The following FGF10 variants were observed in gnomAD, a reference collection of about 807,000 sequenced individuals.
FGF10 encodes the protein fibroblast growth factor 10, also known as FGF-10.
A neutral mutation model predicts 19.8 loss-of-function variants in FGF10; 2 were observed. The observed-to-expected ratio is 0.10, with a 90% CI of 0.04 to 0.32. FGF10 has a LOEUF of 0.32. FGF10 is among the 10% of genes least tolerant of loss of function. FGF10 has a pLI of 1.00. For missense variants in FGF10, 191 were observed against 246.3 expected (o/e 0.78, Z 1.50); for synonymous variants, 112 against 94.0 (o/e 1.19, Z -1.10).
At chr5:44,347,524 C>T (rs1741115850) in intron 1 of FGF10, among the ~76,000 whole-genome samples, 1 of 151,702 alleles carries the variant, frequency 6.6e-6, no homozygotes, top group Non-Finnish European at 1.5e-5. Flanking sequence ...CTATATCCAT[C>T]CTTCAAAAAC....
rs532542078 is a variant in FGF10, at chr5:44,337,589, G to A, written c.326-27059C>T. 8.1e-4 allele frequency among the ~76,000 whole-genome samples: 123 copies of A among 152,214 alleles called. 2 individuals carry two copies. The highest frequency in any genetic ancestry group is 2.7e-3 in the African/African-American group (113 of 41,532). ...ACTTTAAATCAACATTTTTCTATGC[G>A]TGAAGCACTATTAGAAAATAAAATG... On this transcript the variant is annotated intron_variant, in intron 1 of 2. Transcript: ENST00000264664.
intron 1 of FGF10, among the ~76,000 whole-genome samples, chr5:44,317,271 G>C (rs1365905986): frequency 6.6e-6 from 1 of 152,144 alleles, no homozygotes; most frequent in Non-Finnish European, 1.5e-5. Context: ...AATGAGATCT[G>C]AATTTGCAGA....
chr5:44,379,526 C>A (rs534110844), intron 1 of FGF10, among the ~76,000 whole-genome samples: 1 of 152,302 alleles, frequency 6.6e-6, no homozygotes, highest in East Asian at 1.9e-4. Flanking sequence ...CGGGACTATA[C>A]TTTTTATCCC....
At chr5:44,358,115 G>T (rs1741391482) in intron 1 of FGF10, among the ~76,000 whole-genome samples, 1 of 151,416 alleles carries the variant, frequency 6.6e-6, no homozygotes, top group South Asian at 2.1e-4. Flanking sequence ...TTATACATAA[G>T]AACATTATGG....
In FGF10 at chr5:44,321,281, A is replaced by G. The variant is rs1178567952; in HGVS notation, c.326-10751T>C. On this transcript the variant is annotated intron_variant, in intron 1 of 2. Coordinates refer to ENST00000264664, the MANE Select transcript of FGF10 (RefSeq NM_004465.2). ...AAATAGCAGGGGATATCAGGGCACA[A>G]TTGTTAGAGAGGACTAATGAGTCAC... 4.6e-5 allele frequency among the ~76,000 whole-genome samples: 7 copies of G among 152,292 alleles called. No homozygotes were observed. The East Asian group carries it at 1.4e-3, about 29-fold the overall frequency.
chr5:44,349,465 T>TCAGA (rs1741183548), intron 1 of FGF10, among the ~76,000 whole-genome samples: 1 of 29,904 alleles, frequency 3.3e-5, no homozygotes, highest in African/African-American at 1.2e-4. Context: ...TATATATATA[T>TCAGA]ATATCAGAAT....
chr5:44,308,465 A>G (rs1169363558), intron 2 of FGF10, among the ~76,000 whole-genome samples: 9 of 152,110 alleles, frequency 5.9e-5, no homozygotes, highest in African/African-American at 1.9e-4. Context: ...GTGTGTTGTT[A>G]TCTCTTCAAA....
chr5:44,312,873 A>G (rs1740245444), intron 1 of FGF10, among the ~76,000 whole-genome samples: 1 of 152,082 alleles, frequency 6.6e-6, no homozygotes, highest in South Asian at 2.1e-4. Flanking sequence ...AACTATACTA[A>G]CAGACTGAGC....
Position 44,389,113 on chromosome 5 carries a change from AG to A in FGF10, c.-432del, listed in dbSNP as rs950975659. ...ACCCAAGGGAGGTGGGGTGGGGAAT[AG>A]GGGGAGATATCTGCACCCCTCTGCG... On this transcript the variant is annotated 5_prime_UTR_variant, in exon 1 of 3. Coordinates refer to ENST00000264664, the MANE Select transcript of FGF10 (RefSeq NM_004465.2). The A allele has an allele frequency of 2.7e-4, 82 of 299,386 alleles. No homozygotes were observed. The highest frequency in any genetic ancestry group is 2.4e-3 in the Middle Eastern group (2 of 848). 18.5% of individuals were successfully genotyped at this position (299,386 alleles called of 1,614,324 possible).
At chr5:44,372,498 C>T (rs1741763512) in intron 1 of FGF10, among the ~76,000 whole-genome samples, 2 of 152,122 alleles carry the variant, frequency 1.3e-5, no homozygotes, top group African/African-American at 2.4e-5. Flanking sequence ...CCAGGGATTA[C>T]AGCCTGATAT....
At chr5:44,348,707 A>C (rs1741145774) in intron 1 of FGF10, among the ~76,000 whole-genome samples, 1 of 151,592 alleles carries the variant, frequency 6.6e-6, no homozygotes, top group Non-Finnish European at 1.5e-5. Context: ...TATTACATGC[A>C]ATATTTTGGA....
At chr5:44,315,752 A>G (rs1396112316) in intron 1 of FGF10, among the ~76,000 whole-genome samples, 1 of 152,102 alleles carries the variant, frequency 6.6e-6, no homozygotes, top group Non-Finnish European at 1.5e-5. Context: ...TCAGTGTCCT[A>G]AGTTCATCTA....
chr5:44,387,945 T>C (rs1331762365), intron 1 of FGF10, among the ~76,000 whole-genome samples: 1 of 151,960 alleles, frequency 6.6e-6, no homozygotes, highest in Non-Finnish European at 1.5e-5. Context: ...CTTAACAAGA[T>C]TGCCAGGGAA....
Position 44,376,512 on chromosome 5 carries a change from AAAAAAC to A in FGF10, c.325+11840_325+11845del, listed in dbSNP as rs1406092657. ...TGCCAAAAAAAAAAAAAAAAAAAAA[AAAAAAC>A]AAAAAACCCACAACTAGAGCAAGAA... On this transcript the variant is annotated intron_variant, in intron 1 of 2. Transcript: ENST00000264664. Among the ~76,000 whole-genome samples the A allele has an allele frequency of 9.7e-4, 136 of 139,642 alleles. 7 individuals carry two copies. The highest frequency in any genetic ancestry group is 3.2e-3 in the African/African-American group (115 of 35,528). The allele number at this position is 139,642 out of a possible 152,430, so 91.6% of individuals were successfully genotyped here.
intron 1 of FGF10, among the ~76,000 whole-genome samples, chr5:44,380,292 A>G (rs1741956231): frequency 6.6e-6 from 1 of 152,208 alleles, no homozygotes; most frequent in African/African-American, 2.4e-5. Flanking sequence ...TTATTATTAA[A>G]ACATAAATTT....
chr5:44,341,056 G>C (rs186362815), intron 1 of FGF10, among the ~76,000 whole-genome samples: 2 of 151,772 alleles, frequency 1.3e-5, no homozygotes, highest in East Asian at 3.9e-4. Context: ...GTCTTCCTTT[G>C]TTCTTATTTT....
At position 44,304,431 on chromosome 5, in the gene FGF10, T is replaced by C. The variant is rs1056553736; in HGVS notation, c.*564A>G. 2.6e-5 allele frequency: 4 copies of C among 156,244 alleles called. No homozygotes were observed. Among genetic ancestry groups the C allele is most frequent in the Admixed American group, 6.2e-5 (1 of 16,166 alleles). 9.7% of individuals were successfully genotyped at this position (156,244 alleles called of 1,614,324 possible). A position where few individuals can be genotyped will look rare whatever the true frequency, so the allele number is the denominator to read the frequency against. ...AAGCATACCATACTATTTGTATTGTTAGAACAGTTTCACACTAACATGTTT... is the reference window on the plus strand; with the variant it reads ...AAGCATACCATACTATTTGTATTGTCAGAACAGTTTCACACTAACATGTTT... On this transcript the variant is annotated 3_prime_UTR_variant, in exon 3 of 3. Coordinates refer to ENST00000264664, the MANE Select transcript of FGF10 (RefSeq NM_004465.2).
intron 1 of FGF10, among the ~76,000 whole-genome samples, chr5:44,361,878 GTC>G (rs1477212451): frequency 6.6e-6 from 1 of 151,454 alleles, no homozygotes; most frequent in Non-Finnish European, 1.5e-5. Flanking sequence ...TCTGCAAAAG[GTC>G]TCTTTCTCAA....
chr5:44,311,860 C>T (rs1441111594), intron 1 of FGF10, among the ~76,000 whole-genome samples: 2 of 152,038 alleles, frequency 1.3e-5, no homozygotes, highest in Non-Finnish European at 2.9e-5. Flanking sequence ...TCACTCTTCC[C>T]ATAGAGATAG....
Sources: allele counts gnomAD v4.1 joint callset (sites outside exome capture counted in the v4.1 genomes callset), GRCh38; gene constraint gnomAD v4.1.1; transcripts MANE v1.5; gene names NCBI Gene and HGNC (gene_info 2026-07-23, HGNC 2026-07-21).